ZKSCAN8: variants seen among roughly 807,000 people sequenced by gnomAD.
ZKSCAN8 encodes zinc finger with KRAB and SCAN domains 8.
In ZKSCAN8, 27 loss-of-function variants were observed where a neutral mutation model predicts 57.2. The ratio of observed to expected loss-of-function variants is 0.47; its 90% confidence interval spans 0.35 to 0.65. The LOEUF (loss-of-function observed/expected upper bound fraction) is 0.65, where lower values mean the gene tolerates loss of function less well. Among genes scored for constraint, ZKSCAN8 ranks in the 30% least tolerant of loss-of-function variants. The probability of loss-of-function intolerance (pLI) is 0.01; values close to 1 mark genes in which losing one functional copy is unlikely to be tolerated. For missense variants in ZKSCAN8, 597 were observed against 696.3 expected (o/e 0.86, Z 1.60); for synonymous variants, 214 against 248.7 (o/e 0.86, Z 1.31).
At chr6:28,145,761 A>G (rs1279202472) in intron 1 of ZKSCAN8, among the ~76,000 whole-genome samples, 2 of 152,208 alleles carry the variant, frequency 1.3e-5, no homozygotes, top group Non-Finnish European at 2.9e-5. Context: ...GTGTCTTCAC[A>G]TGACCTTCTC....
chr6:28,145,449 G>C (rs538946987), intron 1 of ZKSCAN8, among the ~76,000 whole-genome samples: 4 of 151,984 alleles, frequency 2.6e-5, no homozygotes, highest in Admixed American at 1.3e-4. Flanking sequence ...TAAAAAATTT[G>C]GTCCCTATTG....
rs761794277 is a variant in ZKSCAN8, at chr6:28,151,906, G to T, written c.621G>T (p.Met207Ile). The T allele has an allele frequency of 1.1e-5, 18 of 1,614,142 alleles. No individual in the cohort carries two copies. Among genetic ancestry groups the T allele is most frequent in the Non-Finnish European group, 1.5e-5 (18 of 1,180,012 alleles). ...SQKGSSGDQE[M>I]TATLLTAGFQ... ...AAGGAAGTTCTGGAGACCAGGAAATGACAGCTACACTTCTCACAGCAGGGT... is the reference window on the plus strand; with the variant it reads ...AAGGAAGTTCTGGAGACCAGGAAATTACAGCTACACTTCTCACAGCAGGGT... The change falls in exon 4 of 6, where the codon ATG (methionine) becomes ATT (isoleucine). Residue 207 changes from methionine to isoleucine, a missense_variant. Transcript: ENST00000330236.
Position 28,153,823 on chromosome 6 carries a change from G to T in ZKSCAN8, c.1543G>T (p.Glu515Ter). 1.2e-6 allele frequency: 2 copies of T among 1,614,112 alleles called. No individual in the cohort carries two copies. The highest frequency in any genetic ancestry group is 1.7e-6 in the Non-Finnish European group (2 of 1,179,986). ...LIEHQRIHTG[E>*]RPYKCKECGK... Reference sequence around the variant, plus strand: ...TGAACATCAGAGAATCCACACTGGAGAAAGACCCTATAAATGTAAAGAATG... The same window carrying T: ...TGAACATCAGAGAATCCACACTGGATAAAGACCCTATAAATGTAAAGAATG... The change falls in exon 6 of 6, where the codon GAA (glutamate) becomes TAA (stop). Residue 515 changes from glutamate (E) to a stop codon, truncating the protein, a stop_gained. Transcript: ENST00000330236. LOFTEE classifies it high-confidence loss of function.
At chr6:28,145,818 C>T (rs1232038042) in intron 1 of ZKSCAN8, among the ~76,000 whole-genome samples, 1 of 152,130 alleles carries the variant, frequency 6.6e-6, no homozygotes, top group African/African-American at 2.4e-5. Context: ...TAAAAGTGTG[C>T]CAGTCATATT....
In ZKSCAN8 at chr6:28,153,664, T is replaced by G; in HGVS notation, c.1384T>G (p.Tyr462Asp). The change falls in exon 6 of 6, where the codon TAT (tyrosine) becomes GAT (aspartate). Residue 462 changes from tyrosine (Y) to aspartate (D), a missense_variant. By Grantham distance (160) the Tyr-to-Asp change is radical. Coordinates refer to ENST00000330236, the MANE Select transcript of ZKSCAN8 (RefSeq NM_006298.4). ...HQRIHTGEKP[Y>D]ECDECGKTFR... ...GAGAATCCACACTGGGGAGAAGCCCTATGAGTGTGATGAGTGTGGGAAAAC... is the reference window on the plus strand; with the variant it reads ...GAGAATCCACACTGGGGAGAAGCCCGATGAGTGTGATGAGTGTGGGAAAAC... The G allele has an allele frequency of 6.2e-7, 1 of 1,613,514 alleles. No homozygotes were observed. Among genetic ancestry groups the G allele is most frequent in the Non-Finnish European group, 8.5e-7 (1 of 1,179,852 alleles).
intron 1 of ZKSCAN8, among the ~76,000 whole-genome samples, chr6:28,145,017 A>G (rs1581518407): frequency 6.6e-6 from 1 of 152,184 alleles, no homozygotes; most frequent in Non-Finnish European, 1.5e-5. Context: ...AGTTCGCGCC[A>G]CTGCACTCCA....
rs758633898 is a variant in ZKSCAN8, at chr6:28,156,204, T to C, written c.*2187T>C. The C allele has an allele frequency of 1.0e-5, 4 of 398,328 alleles. No individual in the cohort carries two copies. Among genetic ancestry groups the C allele is most frequent in the Middle Eastern group, 1.2e-3 (2 of 1,608 alleles). 24.7% of individuals were successfully genotyped at this position (398,328 alleles called of 1,614,324 possible). ...ACACACACACACCTGCCATACACTTTAGAAGAACGCTTCTCTTCTATTCCA... is the reference window on the plus strand; with the variant it reads ...ACACACACACACCTGCCATACACTTCAGAAGAACGCTTCTCTTCTATTCCA... On this transcript the variant is annotated 3_prime_UTR_variant, in exon 6 of 6. Transcript: ENST00000330236.
In ZKSCAN8 at chr6:28,148,477, A is replaced by T. The variant is rs141619075; in HGVS notation, c.70A>T (p.Ile24Phe). The change falls in exon 2 of 6, where the codon ATC becomes TTC. Residue 24 changes from isoleucine to phenylalanine, a missense_variant. By Grantham distance (21) the Ile-to-Phe change is conservative. Coordinates refer to ENST00000330236, the MANE Select transcript of ZKSCAN8 (RefSeq NM_006298.4). ...CCAGACTCCTGAAGAGGATCTTGTAATCGTCAAGGTAGAGGAGGATCATGG... is the reference window on the plus strand; with the variant it reads ...CCAGACTCCTGAAGAGGATCTTGTATTCGTCAAGGTAGAGGAGGATCATGG... ...PDQTPEEDLVIVKVEEDHGWD... is the reference protein window; with the variant it reads ...PDQTPEEDLVFVKVEEDHGWD... The T allele has an allele frequency of 4.6e-5, 75 of 1,614,052 alleles. No individual in the cohort carries two copies. The highest frequency in any genetic ancestry group is 6.8e-6 in the Non-Finnish European group (8 of 1,180,034).
At chr6:28,149,392 A>G (rs563420440) in intron 2 of ZKSCAN8, 91 bp from the exon 3 acceptor site, 3 of 1,500,420 alleles carry the variant, frequency 2.0e-6, no homozygotes, top group Admixed American at 1.9e-5. Context: ...CCCCAAGCAT[A>G]TATCCCTGTA....
chr6:28,153,565 A>G lies in ZKSCAN8; in HGVS notation c.1285A>G (p.Ser429Gly). 6.2e-7 allele frequency: 1 copy of G among 1,614,102 alleles called. No individual in the cohort carries two copies. Among genetic ancestry groups the G allele is most frequent in the Non-Finnish European group, 8.5e-7 (1 of 1,180,016 alleles). ...AGLILHQRIH[S>G]GERPYECNEC... The stretch of plus-strand genomic sequence containing the variant: ...CCTTATTCTGCACCAGAGAATCCAC[A>G]GTGGAGAGAGACCCTATGAATGTAA... Residue 429 changes from serine (S) to glycine (G), a missense_variant, in exon 6 of 6, where the codon AGT (serine) becomes GGT (glycine). Transcript: ENST00000330236.
chr6:28,152,955 A>T (rs1765642111), intron 5 of ZKSCAN8, 101 bp from the exon 6 acceptor site: 1 of 1,504,300 alleles, frequency 6.6e-7, no homozygotes, highest in South Asian at 1.3e-5. Flanking sequence ...ATAGCTGTTC[A>T]TGTGTACTTT....
intron 2 of ZKSCAN8, 105 bp downstream of exon 2, chr6:28,148,929 G>T: frequency 7.7e-7 from 1 of 1,306,566 alleles, no homozygotes; most frequent in Non-Finnish European, 1.0e-6. Context: ...ATCAGTTTCT[G>T]TTGGATAAGG....
rs941626452 is a variant in ZKSCAN8, at chr6:28,156,286, G to T, written c.*2269G>T. On this transcript the variant is annotated 3_prime_UTR_variant, in exon 6 of 6. Coordinates refer to ENST00000330236, the MANE Select transcript of ZKSCAN8 (RefSeq NM_006298.4). ...AACAAAATTGGGTGCATTCAGGGTG[G>T]TATGGCCATAGACCAGAGCAACACA... 1.3e-5 allele frequency: 5 copies of T among 397,948 alleles called. No homozygotes were observed. The highest frequency in any genetic ancestry group is 2.1e-5 in the African/African-American group (1 of 48,588). 24.7% of individuals were successfully genotyped at this position (397,948 alleles called of 1,614,324 possible).
chr6:28,151,537 T>C (rs2113591564), intron 3 of ZKSCAN8, among the ~76,000 whole-genome samples: 1 of 152,310 alleles, frequency 6.6e-6, no homozygotes, highest in Non-Finnish European at 1.5e-5. Flanking sequence ...AAATACTGTA[T>C]ACAGCCACAA....
At position 28,153,623 on chromosome 6, in the gene ZKSCAN8, A is replaced by T. The variant is rs878870374; in HGVS notation, c.1343A>T (p.His448Leu). Residue 448 changes from histidine (H) to leucine (L), a missense_variant, in exon 6 of 6, where the codon CAC (histidine) becomes CTC (leucine). His to Leu is a moderately conservative substitution (Grantham distance 99). Coordinates refer to ENST00000330236, the MANE Select transcript of ZKSCAN8 (RefSeq NM_006298.4). The part of the protein sequence containing the change: ...ECGKAFSHSS[H>L]LIGHQRIHTG... Reference sequence around the variant, plus strand: ...GGGAAAGCTTTCAGTCATAGCTCACACCTCATTGGACATCAGAGAATCCAC... The same window carrying T: ...GGGAAAGCTTTCAGTCATAGCTCACTCCTCATTGGACATCAGAGAATCCAC... 6.2e-7 allele frequency: 1 copy of T among 1,607,550 alleles called. No individual in the cohort carries two copies. The highest frequency in any genetic ancestry group is 8.5e-7 in the Non-Finnish European group (1 of 1,178,002).
rs6910942 is a variant in ZKSCAN8 at position 28,149,384 on chromosome 6, C to G, written c.418-99C>G. The G allele has an allele frequency of 0.011, 16,457 of 1,450,464 alleles. 584 individuals carry two copies. The African/African-American group carries it at 0.12, about 11-fold the overall frequency. 89.8% of individuals were successfully genotyped at this position (1,450,464 alleles called of 1,614,324 possible). ...GAGGAAGATTCTGCTGCTTCCTTCC[C>G]CAAGCATATATCCCTGTAGATGTGT... On this transcript the variant is annotated intron_variant, in intron 2 of 5. Coordinates refer to ENST00000330236, the MANE Select transcript of ZKSCAN8 (RefSeq NM_006298.4).
At position 28,148,483 on chromosome 6, in the gene ZKSCAN8, A is replaced by C. The variant is rs745382215; in HGVS notation, c.76A>C (p.Lys26Gln). 3.1e-6 allele frequency: 5 copies of C among 1,614,184 alleles called. No individual in the cohort carries two copies. The South Asian group carries it at 5.5e-5, about 18-fold the overall frequency. Residue 26 changes from lysine (K) to glutamine (Q), a missense_variant, in exon 2 of 6, where the codon AAG (lysine) becomes CAG (glutamine). Lys to Gln is a moderately conservative substitution (Grantham distance 53, BLOSUM62 1). Coordinates refer to ENST00000330236, the MANE Select transcript of ZKSCAN8 (RefSeq NM_006298.4). The stretch of plus-strand genomic sequence containing the variant: ...TCCTGAAGAGGATCTTGTAATCGTC[A>C]AGGTAGAGGAGGATCATGGTTGGGA... The part of the protein sequence containing the change: ...QTPEEDLVIV[K>Q]VEEDHGWDQE...
chr6:28,152,016 C>A, intron 4 of ZKSCAN8, 80 bp downstream of exon 4: 1 of 1,527,912 alleles, frequency 6.5e-7, no homozygotes. Context: ...TCTTGACTGT[C>A]TAGTTTGTAG....
chr6:28,156,150 T>TGTGTATGTACAC lies in ZKSCAN8; in HGVS notation c.*2133_*2134insGTGTATGTACAC, dbSNP rs1765774504. On this transcript the variant is annotated 3_prime_UTR_variant, in exon 6 of 6. Coordinates refer to ENST00000330236, the MANE Select transcript of ZKSCAN8 (RefSeq NM_006298.4). ...TGGGTGCATTGTCAGAGGGAAAATA[T>TGTGTATGTACAC]ATGTGTATGTACACATGTGTATGTA... The TGTGTATGTACAC allele has an allele frequency of 7.5e-6, 3 of 398,130 alleles. No individual in the cohort carries two copies. Among genetic ancestry groups the TGTGTATGTACAC allele is most frequent in the Non-Finnish European group, 1.3e-5 (3 of 225,896 alleles). 24.7% of individuals were successfully genotyped at this position (398,130 alleles called of 1,614,324 possible). A position where few individuals can be genotyped will look rare whatever the true frequency, so the allele number is the denominator to read the frequency against.
Sources: allele counts gnomAD v4.1 joint callset (sites outside exome capture counted in the v4.1 genomes callset), GRCh38; gene constraint gnomAD v4.1.1; transcripts MANE v1.5; gene names NCBI Gene and HGNC (gene_info 2026-07-23, HGNC 2026-07-21).